IL1RAPL1: variants seen among roughly 807,000 people sequenced by gnomAD.
IL1RAPL1 encodes the protein interleukin-1 receptor accessory protein-like 1.
Under a neutral mutation model 48.4 loss-of-function variants are expected in IL1RAPL1, and 3 were observed. The observed-to-expected ratio is 0.06, with a 90% CI of 0.03 to 0.16. The LOEUF is 0.16. Ranked by LOEUF, IL1RAPL1 falls within the 10% of genes least tolerant of loss-of-function variation. The pLI is 1.00. For synonymous variants in IL1RAPL1, 185 were observed against 187.7 expected (o/e 0.99, Z 0.12); for missense variants, 349 against 530.6 (o/e 0.66, Z 3.36).
chrX:28,952,617 C>G (rs2147356263), intron 2 of IL1RAPL1, among the ~76,000 whole-genome samples: 1 of 110,770 alleles, frequency 9.0e-6, no homozygotes, highest in African/African-American at 3.3e-5. Context: ...TCAGGAAATA[C>G]AATCTGCTAG....
intron 2 of IL1RAPL1, among the ~76,000 whole-genome samples, chrX:28,796,268 G>A (rs1353585361): frequency 9.0e-6 from 1 of 111,417 alleles, no homozygotes; most frequent in Non-Finnish European, 1.9e-5. Context: ...GCCCCTCCCA[G>A]ATTTCATGTC....
intron 2 of IL1RAPL1, among the ~76,000 whole-genome samples, chrX:29,231,214 G>T (rs754690152): frequency 9.0e-6 from 1 of 110,834 alleles, no homozygotes; most frequent in South Asian, 3.9e-4. Context: ...AGGTGGAGGT[G>T]ATGCATGTTT....
intron 1 of IL1RAPL1, among the ~76,000 whole-genome samples, chrX:28,786,081 C>T (rs1026221022): frequency 3.6e-5 from 4 of 111,415 alleles, no homozygotes; most frequent in Non-Finnish European, 5.6e-5. Flanking sequence ...AACTGGGATA[C>T]ACAGAAAACT....
At chrX:28,737,583 T>C (rs1250790833) in intron 1 of IL1RAPL1, among the ~76,000 whole-genome samples, 3 of 111,583 alleles carry the variant, frequency 2.7e-5, no homozygotes, top group Non-Finnish European at 3.8e-5. Context: ...TGAAGTCCTT[T>C]CATTTCTCTA....
chrX:29,166,521 A>G (rs1377641925), intron 2 of IL1RAPL1, among the ~76,000 whole-genome samples: 1 of 111,427 alleles, frequency 9.0e-6, no homozygotes, highest in Non-Finnish European at 1.9e-5. Context: ...GAACAATTGA[A>G]ACTGCATTCA....
intron 2 of IL1RAPL1, among the ~76,000 whole-genome samples, chrX:29,123,533 A>G (rs1006248585): frequency 8.9e-6 from 1 of 112,312 alleles, no homozygotes; most frequent in East Asian, 2.8e-4. Context: ...ACTGTGGGCA[A>G]TGTATATGGA....
chrX:29,152,471 C>T (rs903325855), intron 2 of IL1RAPL1, among the ~76,000 whole-genome samples: 1 of 111,795 alleles, frequency 8.9e-6, no homozygotes, highest in African/African-American at 3.3e-5. Context: ...CCCACATAGT[C>T]AAATGTTACC....
At chrX:29,810,290 A>C (rs1930354587) in intron 6 of IL1RAPL1, among the ~76,000 whole-genome samples, 1 of 110,629 alleles carries the variant, frequency 9.0e-6, no homozygotes, top group Non-Finnish European at 1.9e-5. Context: ...TCCCAGGTTC[A>C]AGCAATTCTC....
At chrX:28,821,138 A>G (rs1936933686) in intron 2 of IL1RAPL1, among the ~76,000 whole-genome samples, 1 of 111,897 alleles carries the variant, frequency 8.9e-6, no homozygotes, top group African/African-American at 3.2e-5. Context: ...TTTAGGACAA[A>G]TTGAAACATT....
intron 5 of IL1RAPL1, among the ~76,000 whole-genome samples, chrX:29,620,595 G>A (rs1179858122): frequency 1.8e-5 from 2 of 111,929 alleles, no homozygotes. Flanking sequence ...CAATATTGTT[G>A]ATATTATTAG....
chrX:29,075,468 C>G (rs1296070694), intron 2 of IL1RAPL1, among the ~76,000 whole-genome samples: 1 of 111,537 alleles, frequency 9.0e-6, no homozygotes, highest in Non-Finnish European at 1.9e-5. Flanking sequence ...CACATTCATT[C>G]TGAAGGACTA....
intron 2 of IL1RAPL1, among the ~76,000 whole-genome samples, chrX:29,158,529 C>T (rs1229241134): frequency 1.8e-5 from 2 of 110,868 alleles, no homozygotes; most frequent in Non-Finnish European, 3.8e-5. Flanking sequence ...GCACCTGCCA[C>T]CATGCCTGGC....
chrX:29,806,335 G>A (rs192847678), intron 6 of IL1RAPL1, among the ~76,000 whole-genome samples: 7 of 111,370 alleles, frequency 6.3e-5, no homozygotes, highest in Non-Finnish European at 1.1e-4. Flanking sequence ...ATTTCAAATG[G>A]AGGTATATGT....
intron 9 of IL1RAPL1, among the ~76,000 whole-genome samples, chrX:29,944,971 ATCT>A (rs1212211324): frequency 2.3e-3 from 255 of 110,616 alleles, no homozygotes; most frequent in African/African-American, 8.1e-3. Context: ...AAAAGTAATC[ATCT>A]TCTTCATCCT....
chrX:29,746,887 C>T (rs1928347993), intron 6 of IL1RAPL1, among the ~76,000 whole-genome samples: 2 of 112,314 alleles, frequency 1.8e-5, no homozygotes, highest in Admixed American at 9.4e-5. Flanking sequence ...GAATTACAGG[C>T]GTGATCCGCT....
chrX:29,722,202 A>G lies in IL1RAPL1; in HGVS notation c.778+53698A>G, dbSNP rs1234176433. Reference sequence around the variant, plus strand: ...TTTTTGTGGTAAAAAGGGCATGCTCATTCTTATCTTTTTGATTCATATAAA... The same window carrying G: ...TTTTTGTGGTAAAAAGGGCATGCTCGTTCTTATCTTTTTGATTCATATAAA... On this transcript the variant is annotated intron_variant, in intron 6 of 10. Transcript: ENST00000378993. Among the ~76,000 whole-genome samples the G allele has an allele frequency of 4.5e-5, 5 of 112,144 alleles. No homozygotes were observed. The Admixed American group carries it at 4.7e-4, about 11-fold the overall frequency.
chrX:28,827,528 C>G (rs1315566041), intron 2 of IL1RAPL1, among the ~76,000 whole-genome samples: 1 of 111,322 alleles, frequency 9.0e-6, no homozygotes, highest in Non-Finnish European at 1.9e-5. Context: ...AAAAGAACCC[C>G]CAATTGTCTT....
chrX:29,708,015 A>G (rs1927246896), intron 6 of IL1RAPL1, among the ~76,000 whole-genome samples: 1 of 111,165 alleles, frequency 9.0e-6, no homozygotes, highest in Admixed American at 9.6e-5. Context: ...AGTTACAAAT[A>G]TACTCACATA....
chrX:29,221,076 C>T (rs779745848), intron 2 of IL1RAPL1, among the ~76,000 whole-genome samples: 31 of 111,105 alleles, frequency 2.8e-4, no homozygotes, highest in Non-Finnish European at 4.9e-4. Flanking sequence ...CCCGCCACCA[C>T]GCCCAGCTAA....
Sources: allele counts gnomAD v4.1 joint callset (sites outside exome capture counted in the v4.1 genomes callset), GRCh38; gene constraint gnomAD v4.1.1; transcripts MANE v1.5; gene names NCBI Gene and HGNC (gene_info 2026-07-23, HGNC 2026-07-21).